The following PSD3 variants were observed in gnomAD, a reference collection of about 807,000 sequenced individuals.
PSD3 encodes PH and SEC7 domain-containing protein 3.
Under a neutral mutation model 105.5 loss-of-function variants are expected in PSD3, and 49 were observed. The observed-to-expected ratio is 0.46, with a 90% CI of 0.37 to 0.59. The LOEUF (loss-of-function observed/expected upper bound fraction) is 0.59, where lower values mean the gene tolerates loss of function less well. PSD3 is among the 20% of genes least tolerant of loss of function. The probability of loss-of-function intolerance (pLI) is 0.00; values close to 1 mark genes in which losing one functional copy is unlikely to be tolerated. For synonymous variants in PSD3, 557 were observed against 457.8 expected (o/e 1.22, Z -2.77); for missense variants, 1,561 against 1,263.8 (o/e 1.24, Z -3.57).
intron 9 of PSD3, among the ~76,000 whole-genome samples, chr8:18,714,480 C>T (rs1166678055): frequency 1.4e-5 from 2 of 147,990 alleles, no homozygotes; most frequent in African/African-American, 5.0e-5. Context: ...AGGACATGAA[C>T]AGATACTTCT....
At chr8:18,984,583 C>A (rs1825404665) in intron 1 of PSD3, among the ~76,000 whole-genome samples, 2 of 152,078 alleles carry the variant, frequency 1.3e-5, no homozygotes, top group African/African-American at 4.8e-5. Context: ...GAAGGAACAA[C>A]TTTCAGTTTT....
intron 9 of PSD3, among the ~76,000 whole-genome samples, chr8:18,664,918 G>C (rs951243056): frequency 1.3e-5 from 2 of 152,168 alleles, no homozygotes; most frequent in African/African-American, 4.8e-5. Context: ...TGACAGGATG[G>C]TTTGCTAAAT....
chr8:18,673,049 A>T (rs546469380), intron 9 of PSD3, among the ~76,000 whole-genome samples: 141 of 152,326 alleles, frequency 9.3e-4, no homozygotes, highest in Middle Eastern at 3.4e-3. Flanking sequence ...TAATACAAAT[A>T]ATCTTTTAAC....
At chr8:18,927,902 T>C (rs1176945245) in intron 2 of PSD3, among the ~76,000 whole-genome samples, 1 of 152,200 alleles carries the variant, frequency 6.6e-6, no homozygotes, top group Non-Finnish European at 1.5e-5. Flanking sequence ...CTGGTGGGAA[T>C]ATAAAATTGT....
chr8:18,539,254 C>G (rs1800014099), intron 15 of PSD3, among the ~76,000 whole-genome samples: 1 of 152,162 alleles, frequency 6.6e-6, no homozygotes, highest in African/African-American at 2.4e-5. Flanking sequence ...ATAAAATTGT[C>G]TCAGAATAAA....
At chr8:18,856,170 C>T (rs1409206478) in intron 4 of PSD3, among the ~76,000 whole-genome samples, 1 of 152,198 alleles carries the variant, frequency 6.6e-6, no homozygotes, top group East Asian at 1.9e-4. Context: ...CACAGCCCAC[C>T]TCAAAATGCA....
intron 9 of PSD3, among the ~76,000 whole-genome samples, chr8:18,743,957 TCTCACC>T (rs1301024953): frequency 5.4e-5 from 4 of 73,892 alleles, no homozygotes; most frequent in African/African-American, 1.9e-4. Context: ...AAACTCTGTC[TCTCACC>T]ACCACCACCA....
chr8:18,693,505 C>T (rs1457723663), intron 9 of PSD3, among the ~76,000 whole-genome samples: 1 of 152,202 alleles, frequency 6.6e-6, no homozygotes, highest in African/African-American at 2.4e-5. Context: ...GGCTACTCAC[C>T]AAAACAACAT....
chr8:18,906,615 CATACCTTCA>C (rs2129462496), intron 2 of PSD3, among the ~76,000 whole-genome samples: 1 of 152,290 alleles, frequency 6.6e-6, no homozygotes, highest in Admixed American at 6.5e-5. Context: ...TGCTAAACTT[CATACCTTCA>C]AATCAGAAGT....
chr8:19,031,517 A>G (rs1224553867), intron 1 of PSD3, among the ~76,000 whole-genome samples: 2 of 152,060 alleles, frequency 1.3e-5, no homozygotes, highest in Non-Finnish European at 2.9e-5. Context: ...TTTTCTGTTG[A>G]GCTGACCTCT....
chr8:18,575,020 G>T, intron 13 of PSD3, 108 bp downstream of exon 13: 1 of 1,196,476 alleles, frequency 8.4e-7, no homozygotes, highest in Non-Finnish European at 1.1e-6. Context: ...TGATGACTTT[G>T]ATTCCAACTC....
At chr8:18,686,104 T>C (rs1366331737) in intron 9 of PSD3, among the ~76,000 whole-genome samples, 1 of 152,162 alleles carries the variant, frequency 6.6e-6, no homozygotes, top group African/African-American at 2.4e-5. Context: ...ATCTGATACA[T>C]GTCATTTCTG....
intron 14 of PSD3, among the ~76,000 whole-genome samples, chr8:18,564,268 CA>C (rs1801590557): frequency 6.6e-6 from 1 of 151,814 alleles, no homozygotes; most frequent in Admixed American, 6.6e-5. Flanking sequence ...GGTGAATAGT[CA>C]AAAAAGTGAG....
chr8:18,710,898 G>A (rs1802211297), intron 9 of PSD3, among the ~76,000 whole-genome samples: 2 of 152,028 alleles, frequency 1.3e-5, no homozygotes, highest in South Asian at 2.1e-4. Context: ...GACCAGGCTG[G>A]TCTTGAACTC....
At chr8:18,660,147 G>A (rs1310816570) in intron 9 of PSD3, among the ~76,000 whole-genome samples, 1 of 152,198 alleles carries the variant, frequency 6.6e-6, no homozygotes, top group Non-Finnish European at 1.5e-5. Context: ...GGGAACGTAC[G>A]TGGGTGGGCT....
At chr8:18,626,221 G>A (rs1806462719) in intron 11 of PSD3, among the ~76,000 whole-genome samples, 1 of 151,824 alleles carries the variant, frequency 6.6e-6, no homozygotes, top group South Asian at 2.1e-4. Context: ...TATGGATGCA[G>A]TCTGACAAAC....
intron 2 of PSD3, among the ~76,000 whole-genome samples, chr8:18,901,992 T>A (rs1464815641): frequency 6.6e-6 from 1 of 152,054 alleles, no homozygotes; most frequent in East Asian, 1.9e-4. Flanking sequence ...CAATTTGACA[T>A]AAATGTGCCT....
chr8:18,785,850 G>C lies in PSD3; in HGVS notation c.2082+13445C>G, dbSNP rs146492881. Among the ~76,000 whole-genome samples, 370 of 152,256 alleles carry C rather than the reference G, an allele frequency of 2.4e-3. 7 individuals carry two copies. The highest frequency in any genetic ancestry group is 0.019 in the Admixed American group (291 of 15,286). Reference sequence around the variant, plus strand: ...GGGAGGCCTGAGGAGACAGAGATGGGGGAATGGCCAGCCTTTGGCGCAGTC... The same window carrying C: ...GGGAGGCCTGAGGAGACAGAGATGGCGGAATGGCCAGCCTTTGGCGCAGTC... On this transcript the variant is annotated intron_variant, in intron 8 of 15. Transcript: ENST00000327040.
chr8:19,048,836 G>A (rs1235150759), intron 1 of PSD3, among the ~76,000 whole-genome samples: 1 of 152,166 alleles, frequency 6.6e-6, no homozygotes, highest in African/African-American at 2.4e-5. Context: ...AAACACCACA[G>A]ACTGGGTGAC....
Sources: gnomAD v4.1 joint callset for allele counts (sites outside exome capture counted in the v4.1 genomes callset) on GRCh38, gnomAD v4.1.1 for gene constraint, MANE v1.5 for transcripts, NCBI Gene and HGNC (gene_info 2026-07-23, HGNC 2026-07-21) for gene names.